Variants in GALNT14 observed in about 807,000 individuals in gnomAD.
GALNT14 encodes the protein polypeptide N-acetylgalactosaminyltransferase 14.
GALNT14 carries 60 observed loss-of-function variants against 77.5 expected under a neutral mutation model. That is an observed-to-expected ratio of 0.77 (90% confidence interval 0.63 to 0.96). The LOEUF is 0.96. GALNT14 is among the 40% of genes least tolerant of loss of function. The pLI is 0.00. For missense variants in GALNT14, 710 were observed against 731.0 expected, an observed-to-expected ratio of 0.97 and a Z score of 0.33; for synonymous variants, 280 against 281.7, an observed-to-expected ratio of 0.99 and a Z score of 0.06.
intron 3 of GALNT14, 81 bp downstream of exon 3, chr2:30,966,123 G>A: frequency 9.6e-7 from 1 of 1,036,358 alleles, no homozygotes; most frequent in Non-Finnish European, 1.5e-6. Context: ...TCCTAGTACA[G>A]CGCTGGGCAC....
At chr2:30,994,424 T>A (rs529745808) in intron 1 of GALNT14, among the ~76,000 whole-genome samples, 76 of 152,358 alleles carry the variant, frequency 5.0e-4, no homozygotes, top group African/African-American at 1.8e-3. Flanking sequence ...TGCATGTTCA[T>A]CTGGGCACCA....
intron 2 of GALNT14, among the ~76,000 whole-genome samples, chr2:30,983,365 C>T (rs1447287187): frequency 1.3e-5 from 2 of 152,134 alleles, no homozygotes; most frequent in Non-Finnish European, 2.9e-5. Context: ...GTCTTAGACT[C>T]AATAATTTGT....
chr2:31,031,058 C>A (rs144227656), intron 1 of GALNT14, among the ~76,000 whole-genome samples: 1 of 152,240 alleles, frequency 6.6e-6, no homozygotes, highest in African/African-American at 2.4e-5. Flanking sequence ...TTGTACAATT[C>A]GAATATGAGA....
intron 1 of GALNT14, among the ~76,000 whole-genome samples, chr2:31,063,356 C>T (rs767092666): frequency 6.6e-5 from 10 of 152,196 alleles, no homozygotes; most frequent in Non-Finnish European, 1.2e-4. Flanking sequence ...GTTTGTCAAA[C>T]ATCAGATGGT....
At chr2:31,107,307 T>C (rs992270908) in intron 1 of GALNT14, among the ~76,000 whole-genome samples, 8 of 152,146 alleles carry the variant, frequency 5.3e-5, no homozygotes, top group African/African-American at 1.9e-4. Context: ...ATGCCCCTTA[T>C]ATCCAGGATG....
intron 1 of GALNT14, among the ~76,000 whole-genome samples, chr2:31,001,100 G>A (rs1275750362): frequency 6.6e-6 from 1 of 151,974 alleles, no homozygotes; most frequent in African/African-American, 2.4e-5. Context: ...TGGAGTTCTC[G>A]TCTCCATGTA....
At chr2:30,905,446 G>T in the GALNT14 span, among the ~76,000 whole-genome samples, 1 of 152,118 alleles carries the variant, frequency 6.6e-6, no homozygotes, top group Admixed American at 6.5e-5. Context: ...CGATCAACTG[G>T]AAGAAAGGGT....
intron 2 of GALNT14, among the ~76,000 whole-genome samples, chr2:30,968,309 C>A (rs190711083): frequency 7.5e-4 from 114 of 152,386 alleles, no homozygotes; most frequent in African/African-American, 2.7e-3. Flanking sequence ...CCGCCGATGG[C>A]TGCCACTGAT....
At chr2:31,017,647 T>C (rs993449669) in intron 1 of GALNT14, among the ~76,000 whole-genome samples, 4 of 152,076 alleles carry the variant, frequency 2.6e-5, no homozygotes. Flanking sequence ...AAATCCTCTT[T>C]AGCCTCTGCC....
chr2:30,955,691 G>T lies in GALNT14; in HGVS notation c.581C>A (p.Thr194Asn). The T allele has an allele frequency of 6.2e-7, 1 of 1,614,204 alleles. No homozygotes were observed. ...IRGADIAQGT[T>N]LTFLDSHCEV... ...ACAGTGGCTGTCGAGGAAAGTCAGA[G>T]TGGTGCCCTGGGCGATGTCAGCGCC... The change falls in exon 6 of 15, where the codon ACT becomes AAT. Residue 194 changes from threonine to asparagine, a missense_variant. Coordinates refer to ENST00000349752, the MANE Select transcript of GALNT14 (RefSeq NM_024572.4).
intron 1 of GALNT14, among the ~76,000 whole-genome samples, chr2:31,053,956 A>T (rs553019365): frequency 1.3e-5 from 2 of 152,324 alleles, no homozygotes; most frequent in East Asian, 3.9e-4. Flanking sequence ...TAAGAATCCC[A>T]CAATAGTGTA....
chr2:31,053,138 G>C (rs72854822), intron 1 of GALNT14, among the ~76,000 whole-genome samples: 5,274 of 152,224 alleles, frequency 0.035, 305 homozygotes, highest in African/African-American at 0.12. Flanking sequence ...AGTCTTGGGT[G>C]GCATTTTTTG....
intron 1 of GALNT14, among the ~76,000 whole-genome samples, chr2:31,036,859 T>C (rs1051464870): frequency 1.3e-5 from 2 of 152,214 alleles, no homozygotes; most frequent in East Asian, 1.9e-4. Flanking sequence ...CAATGAGAAG[T>C]CAGCTGTTAA....
chr2:31,047,972 C>A (rs188695697), intron 1 of GALNT14, among the ~76,000 whole-genome samples: 1 of 152,240 alleles, frequency 6.6e-6, no homozygotes, highest in Non-Finnish European at 1.5e-5. Context: ...CTGTCCTCAA[C>A]AGCATCGGCT....
chr2:31,114,739 T>G, intron 1 of GALNT14: 1 of 716,260 alleles, frequency 1.4e-6, no homozygotes, highest in Non-Finnish European at 2.6e-6. Context: ...AGTAAAGAAT[T>G]TACCTGACTT....
intron 2 of GALNT14, among the ~76,000 whole-genome samples, chr2:30,975,390 G>A (rs1668574154): frequency 1.3e-5 from 2 of 152,232 alleles, no homozygotes; most frequent in Non-Finnish European, 2.9e-5. Flanking sequence ...GCCACATGCA[G>A]TTACTGAGCA....
At chr2:31,075,043 C>T (rs1041371241) in intron 1 of GALNT14, among the ~76,000 whole-genome samples, 1 of 152,276 alleles carries the variant, frequency 6.6e-6, no homozygotes. Flanking sequence ...GTCCTGGGAG[C>T]GGATCCCTCA....
intron 1 of GALNT14, among the ~76,000 whole-genome samples, chr2:31,135,375 G>A (rs540513625): frequency 7.2e-4 from 110 of 152,258 alleles, no homozygotes; most frequent in Non-Finnish European, 1.2e-3. Flanking sequence ...ATTTGGACTT[G>A]TCATACAAAG....
At chr2:31,057,520 C>T (rs57187063) in intron 1 of GALNT14, among the ~76,000 whole-genome samples, 6 of 150,276 alleles carry the variant, frequency 4.0e-5, no homozygotes, top group Non-Finnish European at 3.0e-5. Flanking sequence ...TTGGCAGCTA[C>T]GGCACCAGGC....
Sources: gnomAD v4.1 joint callset for allele counts (sites outside exome capture counted in the v4.1 genomes callset) on GRCh38, gnomAD v4.1.1 for gene constraint, MANE v1.5 for transcripts, NCBI Gene and HGNC (gene_info 2026-07-23, HGNC 2026-07-21) for gene names.